Variants in UNC45A observed in about 807,000 individuals in gnomAD.
UNC45A encodes unc-45 myosin chaperone A, also known as protein unc-45 homolog A.
Under a neutral mutation model 103.2 loss-of-function variants are expected in UNC45A, and 78 were observed. The observed-to-expected ratio is 0.76, with a 90% CI of 0.63 to 0.91. The LOEUF is 0.91. Among genes scored for constraint, UNC45A ranks in the 40% least tolerant of loss-of-function variants. The pLI, the probability that UNC45A is intolerant of heterozygous loss-of-function variation, is 0.00. For synonymous variants in UNC45A, 495 were observed against 504.6 expected, an observed-to-expected ratio of 0.98 and a Z score of 0.25; for missense variants, 1,193 against 1,224.8, an observed-to-expected ratio of 0.97 and a Z score of 0.39.
intron 4 of UNC45A, among the ~76,000 whole-genome samples, chr15:90,938,581 C>T (rs568100189): frequency 7.1e-4 from 108 of 152,060 alleles, no homozygotes; most frequent in Admixed American, 2.6e-3. Context: ...GGCGGGTGGT[C>T]CACATGCTAG....
intron 8 of UNC45A, among the ~76,000 whole-genome samples, chr15:90,944,490 C>T (rs578066502): frequency 4.6e-5 from 7 of 151,668 alleles, no homozygotes; most frequent in African/African-American, 1.5e-4. Context: ...AGTGGTCCCA[C>T]GAGGTGTGGG....
chr15:90,953,161 G>A lies in UNC45A; in HGVS notation c.2428G>A (p.Asp810Asn), dbSNP rs1186181325. 1 of 1,613,508 alleles carries A rather than the reference G, an allele frequency of 6.2e-7. No homozygotes were observed. The highest frequency in any genetic ancestry group is 1.1e-5 in the South Asian group (1 of 91,008). Reference sequence around the variant, plus strand: ...TCCTCACATCTGGCCACAGGTGCAGGACCTCTTCGAAGCCCAGGGCAATGA... The same window carrying A: ...TCCTCACATCTGGCCACAGGTGCAGAACCTCTTCGAAGCCCAGGGCAATGA... The part of the protein sequence containing the change: ...CNLAMSKEVQ[D>N]LFEAQGNDRL... The change falls in exon 19 of 20, where the codon GAC becomes AAC. Residue 810 changes from aspartate to asparagine, a missense_variant. By Grantham distance (23) the Asp-to-Asn change is conservative. Transcript: ENST00000418476.
At chr15:90,936,860 A>C (rs769838037) in intron 4 of UNC45A, among the ~76,000 whole-genome samples, 11 of 152,342 alleles carry the variant, frequency 7.2e-5, no homozygotes, top group Non-Finnish European at 1.5e-4. Flanking sequence ...CCACGTGCAC[A>C]AGTAGACATG....
At position 90,953,624 on chromosome 15, in the gene UNC45A, G is replaced by A. The variant is rs2037058960; in HGVS notation, c.2743G>A (p.Gly915Ser). The A allele has an allele frequency of 1.2e-6, 2 of 1,614,118 alleles. No individual in the cohort carries two copies. Among genetic ancestry groups the A allele is most frequent in the Non-Finnish European group, 8.5e-7 (1 of 1,180,028 alleles). The change falls in exon 20 of 20, where the codon GGT becomes AGT. Residue 915 changes from glycine to serine, a missense_variant. Transcript: ENST00000418476. ...GGAGATCTTGTCAGTGCTAGCTAAGGGTGACCACAGCCCTGTCACAAGGGC... is the reference window on the plus strand; with the variant it reads ...GGAGATCTTGTCAGTGCTAGCTAAGAGTGACCACAGCCCTGTCACAAGGGC... Reference protein sequence around the residue: ...MMEILSVLAKGDHSPVTRAAA... With the variant: ...MMEILSVLAKSDHSPVTRAAA...
chr15:90,948,671 G>A lies in UNC45A; in HGVS notation c.1755G>A (p.Val585=), dbSNP rs1596236545. 3.1e-6 allele frequency: 5 copies of A among 1,614,042 alleles called. No individual in the cohort carries two copies. Among genetic ancestry groups the A allele is most frequent in the Non-Finnish European group, 4.2e-6 (5 of 1,179,968 alleles). ...FQLSRLEERS[V]LFAVASALVN... ...CCTGGCAGTTGGAGGAGAGGTCAGT[G>A]CTCTTTGCGGTGGCCTCAGCGCTGG... Residue 585 remains valine (V), a synonymous_variant, in exon 13 of 20, where the codon GTG becomes GTA. Coordinates refer to ENST00000418476, the MANE Select transcript of UNC45A (RefSeq NM_018671.5).
At position 90,947,871 on chromosome 15, in the gene UNC45A, C is replaced by T. The variant is rs1449360542; in HGVS notation, c.1576C>T (p.Leu526=). Residue 526 remains leucine (L), a synonymous_variant, in exon 11 of 20, where the codon CTG becomes TTG. Transcript: ENST00000418476. ...GTTTGCTGAAGGCTCCACTCTCAAA[C>T]TGGCTAAGCAGTGTCGAAAGTGAGT... The part of the protein sequence containing the change: ...KQFAEGSTLK[L]AKQCRKWLCN... The T allele has an allele frequency of 6.2e-6, 10 of 1,613,986 alleles. No homozygotes were observed. Among genetic ancestry groups the T allele is most frequent in the Non-Finnish European group, 8.5e-6 (10 of 1,179,970 alleles).
upstream of UNC45A, chr15:90,931,646 T>C: frequency 6.2e-7 from 1 of 1,614,042 alleles, no homozygotes; most frequent in Non-Finnish European, 8.5e-7. Context: ...GACCAACATG[T>C]GTCTTCAGAA....
At chr15:90,935,256 G>A (rs1347941739), upstream of UNC45A, 18 of 1,463,278 alleles carry the variant, frequency 1.2e-5, no homozygotes, top group Middle Eastern at 3.5e-4. Context: ...GCTGCCGGTG[G>A]CGTCCCGAAC....
chr15:90,942,846 G>A, intron 7 of UNC45A, 66 bp from the exon 8 acceptor site: 2 of 1,538,550 alleles, frequency 1.3e-6, no homozygotes, highest in Non-Finnish European at 1.8e-6. Flanking sequence ...GTTTGTTGGA[G>A]AAGTTGAAGG....
upstream of UNC45A, chr15:90,931,353 C>T: frequency 4.5e-6 from 7 of 1,553,388 alleles, no homozygotes; most frequent in Non-Finnish European, 6.1e-6. Context: ...GAAGCCCCTT[C>T]ACCACCTGCG....
In UNC45A at chr15:90,946,718, T is replaced by A. The variant is rs374017365; in HGVS notation, c.1304T>A (p.Leu435Gln). The A allele has an allele frequency of 4.3e-6, 7 of 1,613,336 alleles. No homozygotes were observed. Among genetic ancestry groups the A allele is most frequent in the Non-Finnish European group, 5.9e-6 (7 of 1,180,034 alleles). ...GACGCTGGCAACCGGGCCTTGGAGC[T>A]GAGCGGTGTCATGGAGAGTGTGATT... ...PCDAGNRALELSGVMESVIAL... is the reference protein window; with the variant it reads ...PCDAGNRALEQSGVMESVIAL... Residue 435 changes from leucine to glutamine, a missense_variant, in exon 10 of 20, where the codon CTG becomes CAG. Transcript: ENST00000418476.
At chr15:90,947,976 C>T (rs113963220) in intron 11 of UNC45A, 86 bp downstream of exon 11, 99 of 1,482,968 alleles carry the variant, frequency 6.7e-5, no homozygotes, top group Admixed American at 3.2e-4. Flanking sequence ...GGGCCTCCTC[C>T]GTCCTGCTCT....
At chr15:90,932,346 A>T, upstream of UNC45A, 1 of 887,348 alleles carries the variant, frequency 1.1e-6, no homozygotes, top group South Asian at 2.1e-5. Context: ...CAGGTGCTCA[A>T]TGAGGTGCAC....
At chr15:90,950,690 T>G (rs1170671112) in intron 17 of UNC45A, 75 bp downstream of exon 17, 7 of 1,423,182 alleles carry the variant, frequency 4.9e-6, no homozygotes, top group Non-Finnish European at 6.8e-6. Flanking sequence ...GTTTACACAT[T>G]GGGAAACACT....
rs1297496106 is a variant in UNC45A, at chr15:90,936,436, C to T, written c.402C>T (p.Asn134=). The change falls in exon 4 of 20, where the codon AAC becomes AAT. Residue 134 remains asparagine (N), a synonymous_variant. Coordinates refer to ENST00000418476, the MANE Select transcript of UNC45A (RefSeq NM_018671.5). ...KNKVFQEALR[N]IGGQIQEKVR... ...AAGTTTTCCAGGAGGCCTTGCGGAA[C>T]ATCGGGGGCCAGATTCAGGAGAAGG... 2 of 1,614,128 alleles carry T rather than the reference C, an allele frequency of 1.2e-6. No individual in the cohort carries two copies. Among genetic ancestry groups the T allele is most frequent in the Admixed American group, 1.7e-5 (1 of 60,010 alleles).
At chr15:90,953,339 G>C (rs2037036448) in intron 19 of UNC45A, 29 bp downstream of exon 19, 2 of 1,597,438 alleles carry the variant, frequency 1.3e-6, no homozygotes, top group African/African-American at 1.3e-5. Context: ...TGGGGGAGGA[G>C]GGACGGACCA....
chr15:90,947,990 G>C, intron 11 of UNC45A, 100 bp downstream of exon 11: 1 of 1,477,026 alleles, frequency 6.8e-7, no homozygotes, highest in Non-Finnish European at 9.3e-7. Flanking sequence ...CTGCTCTCTG[G>C]CTCAGGCAGG....
chr15:90,942,468 G>C lies in UNC45A; in HGVS notation c.719G>C (p.Arg240Pro), dbSNP rs145502142. The change falls in exon 7 of 20, where the codon CGG becomes CCG. Residue 240 changes from arginine to proline, a missense_variant. Physicochemically the swap from Arg to Pro is moderately radical, Grantham distance 103. Transcript: ENST00000418476. ...TVATLSILGT[R>P]RVVSILGVES... The stretch of plus-strand genomic sequence containing the variant: ...GCAACCCTGAGCATACTGGGAACTC[G>C]GCGAGTAGTCTCCATCCTGGGCGTG... The C allele has an allele frequency of 3.8e-3, 6,062 of 1,613,862 alleles. 333 individuals carry two copies. In the Admixed American group the frequency reaches 0.09, roughly 24 times the overall value.
intron 4 of UNC45A, among the ~76,000 whole-genome samples, chr15:90,937,303 G>A (rs1477501041): frequency 6.6e-6 from 1 of 152,124 alleles, no homozygotes; most frequent in Non-Finnish European, 1.5e-5. Flanking sequence ...CTATGATCGT[G>A]CCACTGCACT....
Sources: gnomAD v4.1 joint callset for allele counts (sites outside exome capture counted in the v4.1 genomes callset) on GRCh38, gnomAD v4.1.1 for gene constraint, MANE v1.5 for transcripts, NCBI Gene and HGNC (gene_info 2026-07-23, HGNC 2026-07-21) for gene names.